FBXL2: variants seen among roughly 807,000 people sequenced by gnomAD.
FBXL2 encodes the protein F-box/LRR-repeat protein 2.
FBXL2 carries 38 observed loss-of-function variants against 69.2 expected under a neutral mutation model. That is an observed-to-expected ratio of 0.55 (90% confidence interval 0.42 to 0.72). The LOEUF is 0.72. FBXL2 is among the 30% of genes least tolerant of loss of function. The probability of loss-of-function intolerance (pLI) is 0.00; values close to 1 mark genes in which losing one functional copy is unlikely to be tolerated. For synonymous variants in FBXL2, 192 were observed against 201.3 expected, an observed-to-expected ratio of 0.95 and a Z score of 0.39; for missense variants, 354 against 520.3, an observed-to-expected ratio of 0.68 and a Z score of 3.11.
chr3:33,407,790 A>G (rs2044467169), downstream of FBXL2, among the ~76,000 whole-genome samples: 1 of 152,236 alleles, frequency 6.6e-6, no homozygotes, highest in South Asian at 2.1e-4. Context: ...TAGTGCAAAG[A>G]CTGCAACAGT....
the FBXL2 span, among the ~76,000 whole-genome samples, chr3:33,421,987 T>C: frequency 2.0e-5 from 3 of 152,084 alleles, no homozygotes; most frequent in African/African-American, 7.2e-5. Flanking sequence ...GAGGTTGCAG[T>C]GAGCAAGACT....
intron 2 of FBXL2, among the ~76,000 whole-genome samples, chr3:33,348,320 ATTATAGGTAT>A (rs2040595234): frequency 2.0e-5 from 3 of 151,892 alleles, no homozygotes; most frequent in Admixed American, 6.6e-5. Flanking sequence ...CTTTGAGTTT[ATTATAGGTAT>A]ATGGATTTGT....
intron 4 of FBXL2, among the ~76,000 whole-genome samples, chr3:33,362,044 G>A (rs2041661282): frequency 6.6e-6 from 1 of 152,190 alleles, no homozygotes; most frequent in African/African-American, 2.4e-5. Context: ...CAAAGAAAAG[G>A]TTGAGTAACT....
intron 10 of FBXL2, among the ~76,000 whole-genome samples, chr3:33,376,302 G>GA (rs747051193): frequency 3.3e-5 from 5 of 152,138 alleles, no homozygotes; most frequent in Non-Finnish European, 4.4e-5. Flanking sequence ...CCAAGAGGCA[G>GA]AAAAAAAGAT....
rs1177128192 is a variant in FBXL2 at position 33,385,554 on chromosome 3, G to A, written c.1218G>A (p.Pro406=). 18 of 1,613,796 alleles carry A rather than the reference G, an allele frequency of 1.1e-5. No individual in the cohort carries two copies. The highest frequency in any genetic ancestry group is 4.0e-5 in the African/African-American group (3 of 74,828). The change falls in exon 15 of 15, where the codon CCG becomes CCA. Residue 406 remains proline, a synonymous_variant. Transcript: ENST00000484457. ...VHAYFAPVTP[P]TAVAGSGQRL... ...CCTACTTTGCTCCCGTCACCCCACC[G>A]ACAGCAGTGGCAGGAAGTGGACAGC... is the stretch of plus-strand genomic sequence containing the variant.
In FBXL2 at chr3:33,359,333, T is replaced by G. The variant is rs1482701543; in HGVS notation, c.171T>G (p.Leu57=). Residue 57 remains leucine (L), a synonymous_variant, in exon 4 of 15, where the codon CTT becomes CTG. Transcript: ENST00000484457. ...GAAGCAACTGGCAAAGAATAGATCT[T>G]TTTAACTTTCAAACAGATGTAGAGG... ...LDGSNWQRID[L]FNFQTDVEGR... 1 of 1,611,858 alleles carries G rather than the reference T, an allele frequency of 6.2e-7. No individual in the cohort carries two copies.
chr3:33,402,793 C>T lies in FBXL2; in HGVS notation n.1215-441C>T, dbSNP rs370960476. ...AGCTGCAGGCACACGATCACACAAACTAGATACCTGTCTGGGACACTGCAA... is the reference window on the plus strand; with the variant it reads ...AGCTGCAGGCACACGATCACACAAATTAGATACCTGTCTGGGACACTGCAA... On this transcript the variant is annotated intron_variant and non_coding_transcript_variant, in intron 12 of 12. Transcript: ENST00000463736. The T allele has an allele frequency of 1.4e-5, 22 of 1,544,204 alleles. No individual in the cohort carries two copies. In the African/African-American group the frequency reaches 2.4e-4, roughly 17 times the overall value.
chr3:33,282,943 T>G (rs2034194839), intron 1 of FBXL2, among the ~76,000 whole-genome samples: 1 of 152,224 alleles, frequency 6.6e-6, no homozygotes, highest in Non-Finnish European at 1.5e-5. Flanking sequence ...TAAGGAGATT[T>G]TTGGCTGAGA....
intron 5 of FBXL2, among the ~76,000 whole-genome samples, chr3:33,369,670 T>C (rs1234807277): frequency 6.6e-6 from 1 of 152,138 alleles, no homozygotes; most frequent in Non-Finnish European, 1.5e-5. Flanking sequence ...TGGAGTGCAG[T>C]ACCATGGTCT....
chr3:33,375,144 C>T, intron 9 of FBXL2, 144 bp from the exon 10 acceptor site: 1 of 889,070 alleles, frequency 1.1e-6, no homozygotes, highest in Non-Finnish European at 1.7e-6. Context: ...ACCTGTCTAC[C>T]CTCTACTTAT....
chr3:33,362,203 G>A (rs780617111), intron 4 of FBXL2, among the ~76,000 whole-genome samples: 5 of 152,114 alleles, frequency 3.3e-5, no homozygotes, highest in South Asian at 2.1e-4. Flanking sequence ...TCCTGAATAC[G>A]TGTAGTTTAC....
intron 2 of FBXL2, among the ~76,000 whole-genome samples, chr3:33,334,501 CAA>C (rs2039410033): frequency 6.6e-6 from 1 of 151,748 alleles, no homozygotes; most frequent in African/African-American, 2.4e-5. Context: ...AACTGATGCA[CAA>C]AGAGAAAAAA....
intron 4 of FBXL2, among the ~76,000 whole-genome samples, chr3:33,362,890 A>G (rs1447952333): frequency 2.0e-5 from 3 of 151,996 alleles, no homozygotes; most frequent in Admixed American, 2.0e-4. Flanking sequence ...TTTATTTTAC[A>G]GTTGTCTGGA....
intron 1 of FBXL2, chr3:33,289,771 G>A (rs936371548): frequency 3.2e-5 from 26 of 817,440 alleles, no homozygotes; most frequent in African/African-American, 8.8e-5. Flanking sequence ...GCAAGGGAAA[G>A]AGAGCTAAGA....
intron 1 of FBXL2, among the ~76,000 whole-genome samples, chr3:33,279,397 A>C (rs998382976): frequency 6.6e-6 from 1 of 151,860 alleles, no homozygotes; most frequent in African/African-American, 2.4e-5. Flanking sequence ...CAGCCTCCCG[A>C]GTAGCTGGGA....
downstream of FBXL2, among the ~76,000 whole-genome samples, chr3:33,405,338 A>G (rs2044389361): frequency 6.6e-6 from 1 of 152,244 alleles, no homozygotes; most frequent in Non-Finnish European, 1.5e-5. Context: ...GCAGTGGTCA[A>G]ACTGCCATGG....
intron 5 of FBXL2, among the ~76,000 whole-genome samples, chr3:33,367,003 T>C (rs904923527): frequency 1.4e-4 from 21 of 152,226 alleles, no homozygotes; most frequent in Admixed American, 3.9e-4. Context: ...GTACAATTTG[T>C]ATTTTTTAAA....
At position 33,400,877 on chromosome 3, in the gene FBXL2, C is replaced by T; in HGVS notation, n.1215-2357C>T. 2.3e-6 allele frequency: 3 copies of T among 1,314,766 alleles called. No individual in the cohort carries two copies. The South Asian group carries it at 4.0e-5, about 18-fold the overall frequency. The allele number at this position is 1,314,766 out of a possible 1,614,324, so 81.4% of individuals were successfully genotyped here. ...CCATACATGTAACAAAACTTCTCAC[C>T]TACTCCATACATTTGCACAAAAACC... On this transcript the variant is annotated intron_variant and non_coding_transcript_variant, in intron 12 of 12. Coordinates refer to the FBXL2 transcript ENST00000463736.
chr3:33,412,597 A>T, the FBXL2 span: 1 of 638,400 alleles, frequency 1.6e-6, no homozygotes. Context: ...AAAAAAAAAA[A>T]GACACAAAAT....
Sources: allele counts gnomAD v4.1 joint callset (sites outside exome capture counted in the v4.1 genomes callset), GRCh38; gene constraint gnomAD v4.1.1; transcripts MANE v1.5; gene names NCBI Gene and HGNC (gene_info 2026-07-23, HGNC 2026-07-21).